The following SYPL1 variants were observed in gnomAD, a reference collection of about 807,000 sequenced individuals.
The protein encoded by SYPL1 is synaptophysin like 1.
SYPL1 carries 6 observed loss-of-function variants against 23.7 expected under a neutral mutation model. The observed-to-expected ratio is 0.25, with a 90% CI of 0.14 to 0.50. The LOEUF is 0.50. SYPL1 is among the 20% of genes least tolerant of loss of function. SYPL1 has a pLI of 0.98. For missense variants in SYPL1, 253 were observed against 288.9 expected, an observed-to-expected ratio of 0.88 and a Z score of 0.90; for synonymous variants, 102 against 104.5, an observed-to-expected ratio of 0.98 and a Z score of 0.15.
chr7:106,112,375 G>C, upstream of SYPL1: 1 of 1,258,676 alleles, frequency 7.9e-7, no homozygotes, highest in Non-Finnish European at 1.0e-6. Context: ...AGCGGCGGCG[G>C]TTGAGCTGCT....
chr7:106,091,762 A>T lies in SYPL1; in HGVS notation c.*43T>A, dbSNP rs748976436. On this transcript the variant is annotated 3_prime_UTR_variant, in exon 5 of 5. Coordinates refer to ENST00000455385, the MANE Select transcript of SYPL1 (RefSeq NM_182715.4). The surrounding 1 kb of genome is among the most constrained non-coding windows in gnomAD (Gnocchi z 5.0). ...CTTCTCAAGGTGTTGGCAACATGTC[A>T]TAGTATCAACATATACTTCATACAG... The T allele has an allele frequency of 6.4e-7, 1 of 1,565,486 alleles. No individual in the cohort carries two copies. The highest frequency in any genetic ancestry group is 1.2e-5 in the South Asian group (1 of 82,940).
chr7:106,111,774 C>T (rs1790162644), intron 1 of SYPL1: 1 of 156,764 alleles, frequency 6.4e-6, no homozygotes, highest in Non-Finnish European at 1.4e-5. Flanking sequence ...GCGACGCCGG[C>T]CGCCGGGTTT....
Position 106,109,438 on chromosome 7 carries a change from C to T in SYPL1, c.69+2702G>A, listed in dbSNP as rs1002291455. On this transcript the variant is annotated intron_variant, in intron 1 of 4. Transcript: ENST00000455385. This position sits in a 1 kb window ranked among gnomAD's most constrained non-coding sequence, Gnocchi z 4.3. ...TACTTTACCATTCTATTGCACCTTA[C>T]GTTTTGGGGTACTCTTTTCTTGAAA... 3.3e-5 allele frequency among the ~76,000 whole-genome samples: 5 copies of T among 152,166 alleles called. No individual in the cohort carries two copies. Among genetic ancestry groups the T allele is most frequent in the African/African-American group, 1.2e-4 (5 of 41,446 alleles).
At chr7:106,112,567 C>T (rs780787022), upstream of SYPL1, 36 of 1,489,628 alleles carry the variant, frequency 2.4e-5, no homozygotes, top group Non-Finnish European at 2.2e-5. Context: ...CGGTTCAGCC[C>T]CTGGCACTCG....
Position 106,091,166 on chromosome 7 carries a change from C to T in SYPL1, c.*639G>A, listed in dbSNP as rs1215197450. 6.6e-6 allele frequency: 1 copy of T among 152,096 alleles called. No homozygotes were observed. The highest frequency in any genetic ancestry group is 2.4e-5 in the African/African-American group (1 of 41,408). 9.4% of individuals were successfully genotyped at this position (152,096 alleles called of 1,614,324 possible). On this transcript the variant is annotated 3_prime_UTR_variant, in exon 5 of 5. Coordinates refer to ENST00000455385, the MANE Select transcript of SYPL1 (RefSeq NM_182715.4). The surrounding 1 kb of genome is among the most constrained non-coding windows in gnomAD (Gnocchi z 5.0). ...GATCATATCTCATGAAACAGAATTA[C>T]TAAATTAACTACACATCTCTCAGAA...
rs1380560620 is a variant in SYPL1 at position 106,093,898 on chromosome 7, A to G, written c.403-761T>C. The stretch of plus-strand genomic sequence containing the variant: ...GACACCTTATCACTATTAACTCTGT[A>G]CTAAATCCTTTGCTATTTATTACAA... On this transcript the variant is annotated intron_variant, in intron 3 of 4. Transcript: ENST00000455385. Among the ~76,000 whole-genome samples, 2 of 152,222 alleles carry G rather than the reference A, an allele frequency of 1.3e-5. 1 individual carries two copies. The highest frequency in any genetic ancestry group is 2.9e-5 in the Non-Finnish European group (2 of 68,028).
chr7:106,103,143 G>A (rs1175047850), intron 1 of SYPL1, among the ~76,000 whole-genome samples: 1 of 152,126 alleles, frequency 6.6e-6, no homozygotes, highest in Non-Finnish European at 1.5e-5. Flanking sequence ...ATGAAAAATG[G>A]GGAGGGGAAA....
At position 106,112,257 on chromosome 7, in the gene SYPL1, G is replaced by A. The variant is rs757029973; in HGVS notation, c.-49C>T. ...GAGTCAGGACGACGGGGCGGAGGAG[G>A]GGACCGACGAGACCAGAGCAGCCCG... On this transcript the variant is annotated 5_prime_UTR_variant, in exon 1 of 5. Coordinates refer to ENST00000455385, the MANE Select transcript of SYPL1 (RefSeq NM_182715.4). 4.6e-6 allele frequency: 7 copies of A among 1,512,664 alleles called. No individual in the cohort carries two copies. Among genetic ancestry groups the A allele is most frequent in the South Asian group, 1.2e-5 (1 of 81,432 alleles). 93.7% of individuals were successfully genotyped at this position (1,512,664 alleles called of 1,614,324 possible). A position where few individuals can be genotyped will look rare whatever the true frequency, so the allele number is the denominator to read the frequency against.
Position 106,097,781 on chromosome 7 carries a change from G to A in SYPL1, c.311C>T (p.Ala104Val). The A allele has an allele frequency of 2.5e-6, 4 of 1,614,078 alleles. No homozygotes were observed. The highest frequency in any genetic ancestry group is 3.4e-6 in the Non-Finnish European group (4 of 1,179,962). Reference protein sequence around the residue: ...SSSAQFYVTFAVFVFLYCIAA... With the variant: ...SSSAQFYVTFVVFVFLYCIAA... ...AATGCAGTACAGGAACACAAAGACTGCAAAGGTAACATAGAATTGTGCAGA... is the reference window on the plus strand; with the variant it reads ...AATGCAGTACAGGAACACAAAGACTACAAAGGTAACATAGAATTGTGCAGA... The change falls in exon 3 of 5, where the codon GCA (alanine) becomes GTA (valine). Residue 104 changes from alanine to valine, a missense_variant. Coordinates refer to ENST00000455385, the MANE Select transcript of SYPL1 (RefSeq NM_182715.4). This position sits in a 1 kb window ranked among gnomAD's most constrained non-coding sequence, Gnocchi z 4.6.
rs1790040812 is a variant in SYPL1, at chr7:106,109,567, T to C, written c.69+2573A>G. 6.6e-6 allele frequency among the ~76,000 whole-genome samples: 1 copy of C among 152,172 alleles called. No individual in the cohort carries two copies. The highest frequency in any genetic ancestry group is 6.5e-5 in the Admixed American group (1 of 15,280). The stretch of plus-strand genomic sequence containing the variant: ...TATATCTGCAGCCCAAACTCATATT[T>C]TAAATTCTAGATCCATATATATAGC... On this transcript the variant is annotated intron_variant, in intron 1 of 4. Transcript: ENST00000455385. The surrounding 1 kb of genome is among the most constrained non-coding windows in gnomAD (Gnocchi z 4.3).
intron 3 of SYPL1, among the ~76,000 whole-genome samples, chr7:106,094,682 A>T (rs923920496): frequency 2.6e-5 from 4 of 152,200 alleles, no homozygotes; most frequent in African/African-American, 4.8e-5. Flanking sequence ...ATGAGGTTAT[A>T]TCGCATGTTA....
chr7:106,112,463 T>C (rs1464283421), upstream of SYPL1: 2 of 1,486,488 alleles, frequency 1.3e-6, no homozygotes, highest in Admixed American at 2.5e-5. Context: ...CCGGGAGGCT[T>C]CTCCTCAGGC....
At chr7:106,102,518 G>A (rs1840384075) in intron 1 of SYPL1, among the ~76,000 whole-genome samples, 1 of 152,186 alleles carries the variant, frequency 6.6e-6, no homozygotes, top group Non-Finnish European at 1.5e-5. Context: ...GTGTGGAATT[G>A]AGGACTGCCA....
intron 3 of SYPL1, among the ~76,000 whole-genome samples, chr7:106,094,884 T>C (rs77488390): frequency 0.011 from 1,685 of 152,248 alleles, 15 homozygotes; most frequent in Non-Finnish European, 0.018. Flanking sequence ...CAAAGTAACC[T>C]AGGTTGAAGG....
chr7:106,109,514 C>T lies in SYPL1; in HGVS notation c.69+2626G>A, dbSNP rs1375262355. Among the ~76,000 whole-genome samples, 1 of 152,166 alleles carries T rather than the reference C, an allele frequency of 6.6e-6. No individual in the cohort carries two copies. Among genetic ancestry groups the T allele is most frequent in the Non-Finnish European group, 1.5e-5 (1 of 68,028 alleles). ...TTTCCCTCAATTTTCCTAACCATTC[C>T]TTCTCTCCTTTGCAGGCAGATATCT... is the stretch of plus-strand genomic sequence containing the variant. On this transcript the variant is annotated intron_variant, in intron 1 of 4. Coordinates refer to ENST00000455385, the MANE Select transcript of SYPL1 (RefSeq NM_182715.4). The surrounding 1 kb of genome is among the most constrained non-coding windows in gnomAD (Gnocchi z 4.3).
At chr7:106,107,516 G>A (rs548682344) in intron 1 of SYPL1, among the ~76,000 whole-genome samples, 1 of 152,264 alleles carries the variant, frequency 6.6e-6, no homozygotes, top group East Asian at 1.9e-4. Context: ...CAGGGCGGAC[G>A]GACTACCTGA....
chr7:106,099,406 C>CT (rs1371877656), intron 1 of SYPL1, 124 bp from the exon 2 acceptor site: 29 of 1,215,328 alleles, frequency 2.4e-5, no homozygotes, highest in Middle Eastern at 5.0e-4. Flanking sequence ...TCTAGAAATT[C>CT]TTTTTTTGAG....
chr7:106,094,567 TCCC>T (rs954058590), intron 3 of SYPL1, among the ~76,000 whole-genome samples: 1 of 152,156 alleles, frequency 6.6e-6, no homozygotes, highest in Non-Finnish European at 1.5e-5. Flanking sequence ...GTGGAAGTAC[TCCC>T]CCCTTTTTAC....
rs1839738594 is a variant in SYPL1, at chr7:106,091,752, G to C, written c.*53C>G. On this transcript the variant is annotated 3_prime_UTR_variant, in exon 5 of 5. Transcript: ENST00000455385. This position sits in a 1 kb window ranked among gnomAD's most constrained non-coding sequence, Gnocchi z 5.0. ...ACAAATAATGCTTCTCAAGGTGTTG[G>C]CAACATGTCATAGTATCAACATATA... is the stretch of plus-strand genomic sequence containing the variant. 2 of 1,541,760 alleles carry C rather than the reference G, an allele frequency of 1.3e-6. No homozygotes were observed. The highest frequency in any genetic ancestry group is 2.5e-5 in the South Asian group (2 of 79,836).
Sources: gnomAD v4.1 joint callset for allele counts (sites outside exome capture counted in the v4.1 genomes callset) on GRCh38, gnomAD v4.1.1 for gene constraint, Gnocchi (gnomAD v3.1) non-coding constraint, MANE v1.5 for transcripts, NCBI Gene and HGNC (gene_info 2026-07-23, HGNC 2026-07-21) for gene names.